The following ATP9B variants were observed in gnomAD, a reference collection of about 807,000 sequenced individuals.
The protein encoded by ATP9B is ATPase phospholipid transporting 9B.
Under a neutral mutation model 146.1 loss-of-function variants are expected in ATP9B, and 110 were observed. The ratio of observed to expected loss-of-function variants is 0.75; its 90% CI spans 0.65 to 0.88. The LOEUF (loss-of-function observed/expected upper bound fraction) is 0.88. Ranked by LOEUF, ATP9B falls within the 40% of genes least tolerant of loss-of-function variation. The pLI is 0.00. For synonymous variants in ATP9B, 604 were observed against 569.7 expected, an observed-to-expected ratio of 1.06 and a Z score of -0.86; for missense variants, 1,499 against 1,496.4, an observed-to-expected ratio of 1.00 and a Z score of -0.03.
At chr18:79,317,883 C>T (rs1048987661) in intron 15 of ATP9B, among the ~76,000 whole-genome samples, 1 of 152,128 alleles carries the variant, frequency 6.6e-6, no homozygotes, top group African/African-American at 2.4e-5. Flanking sequence ...CTGGTACTGC[C>T]AGGAAGTAAG....
intron 1 of ATP9B, among the ~76,000 whole-genome samples, chr18:79,082,209 G>T (rs1031510859): frequency 6.6e-6 from 1 of 152,022 alleles, no homozygotes; most frequent in Non-Finnish European, 1.5e-5. Context: ...ATTGATACTT[G>T]TGTATGCTTC....
chr18:79,196,054 T>A (rs781754013), intron 9 of ATP9B, among the ~76,000 whole-genome samples: 2 of 152,158 alleles, frequency 1.3e-5, no homozygotes, highest in Non-Finnish European at 2.9e-5. Context: ...AATCCTTTGA[T>A]CTCCCTGGGA....
chr18:79,177,519 A>T (rs964966270), intron 8 of ATP9B, among the ~76,000 whole-genome samples: 1 of 152,038 alleles, frequency 6.6e-6, no homozygotes, highest in African/African-American at 2.4e-5. Flanking sequence ...CTGGGATTAC[A>T]GGTTTGAGCC....
rs894401184 is a variant in ATP9B at position 79,239,113 on chromosome 18, G to A, written c.1108-14268G>A. Among the ~76,000 whole-genome samples the A allele has an allele frequency of 6.6e-6, 1 of 152,132 alleles. No homozygotes were observed. Among genetic ancestry groups the A allele is most frequent in the African/African-American group, 2.4e-5 (1 of 41,444 alleles). ...TCATCAAAACAACGGGGTCAACTGG[G>A]AAGGAAGGATGGCGTCTCAGGCAGA... On this transcript the variant is annotated intron_variant, in intron 11 of 29. Coordinates refer to ENST00000426216, the MANE Select transcript of ATP9B (RefSeq NM_198531.5). This position sits in a 1 kb window ranked among gnomAD's most constrained non-coding sequence, Gnocchi z 5.1.
intron 12 of ATP9B, among the ~76,000 whole-genome samples, chr18:79,264,787 G>A (rs964569020): frequency 1.3e-5 from 2 of 151,958 alleles, no homozygotes; most frequent in East Asian, 1.9e-4. Flanking sequence ...CTAGTGCCCC[G>A]TCTGCCATGT....
At chr18:79,184,370 G>T (rs958635898) in intron 8 of ATP9B, among the ~76,000 whole-genome samples, 2 of 151,946 alleles carry the variant, frequency 1.3e-5, no homozygotes, top group Non-Finnish European at 2.9e-5. Flanking sequence ...TTGTTTGTTT[G>T]TTTTTTTAAT....
chr18:79,225,063 C>T (rs1021476042), intron 11 of ATP9B, among the ~76,000 whole-genome samples: 3 of 152,104 alleles, frequency 2.0e-5, no homozygotes, highest in African/African-American at 7.3e-5. Flanking sequence ...GACACAGTGT[C>T]TGAATGATTT....
At chr18:79,277,761 A>C (rs1340365457) in intron 13 of ATP9B, among the ~76,000 whole-genome samples, 2 of 152,202 alleles carry the variant, frequency 1.3e-5, no homozygotes, top group Non-Finnish European at 2.9e-5. Flanking sequence ...AAACAATTGG[A>C]ATCTGGTACT....
chr18:79,122,047 T>C (rs2094198656), intron 4 of ATP9B, among the ~76,000 whole-genome samples: 1 of 152,196 alleles, frequency 6.6e-6, no homozygotes. Flanking sequence ...GAGTTTAACA[T>C]ATGTGTCTGA....
chr18:79,376,214 C>CACACACACACA, intron 29 of ATP9B: 6 of 884,902 alleles, frequency 6.8e-6, no homozygotes, highest in Admixed American at 7.9e-5. Context: ...CACACACACA[C>CACACACACACA]AAAACAAAAC....
intron 6 of ATP9B, among the ~76,000 whole-genome samples, chr18:79,153,440 A>G (rs956530080): frequency 6.6e-6 from 1 of 152,148 alleles, no homozygotes; most frequent in Non-Finnish European, 1.5e-5. Flanking sequence ...TTGTTCAGTC[A>G]TAGATTTATT....
chr18:79,268,495 A>T (rs1456764459), intron 12 of ATP9B, among the ~76,000 whole-genome samples: 5 of 152,148 alleles, frequency 3.3e-5, no homozygotes, highest in Non-Finnish European at 5.9e-5. Flanking sequence ...GAAGTTATGT[A>T]AGTGGTTTCT....
chr18:79,085,316 A>C (rs1469941248), intron 1 of ATP9B: 4 of 152,240 alleles, frequency 2.6e-5, no homozygotes, highest in African/African-American at 9.6e-5. Flanking sequence ...ATTGGGGATC[A>C]CATTTCAACA....
rs545733413 is a variant in ATP9B, at chr18:79,073,410, C to T, written c.119+3881C>T. 2.6e-5 allele frequency among the ~76,000 whole-genome samples: 4 copies of T among 152,310 alleles called. No individual in the cohort carries two copies. The East Asian group carries it at 5.8e-4, about 22-fold the overall frequency. On this transcript the variant is annotated intron_variant, in intron 1 of 29. Transcript: ENST00000426216. The stretch of plus-strand genomic sequence containing the variant: ...GGGAGGCCGAGGCGGGCAGACCACT[C>T]GAAGTCAGGAGCCGGAGACCAGCCT...
intron 12 of ATP9B, among the ~76,000 whole-genome samples, chr18:79,270,354 C>G (rs2096243232): frequency 6.6e-6 from 1 of 151,816 alleles, no homozygotes; most frequent in South Asian, 2.1e-4. Flanking sequence ...TATGTTTGTA[C>G]TGCTATACAG....
At chr18:79,221,039 C>A (rs2095671547) in intron 11 of ATP9B, among the ~76,000 whole-genome samples, 1 of 152,242 alleles carries the variant, frequency 6.6e-6, no homozygotes, top group African/African-American at 2.4e-5. Flanking sequence ...TCCACATAAT[C>A]CCTGCTACAT....
chr18:79,147,330 A>G (rs1051419714), intron 6 of ATP9B, among the ~76,000 whole-genome samples: 7 of 152,268 alleles, frequency 4.6e-5, no homozygotes, highest in Non-Finnish European at 1.0e-4. Flanking sequence ...GAAGATTTGC[A>G]TAGGCAGCAG....
At chr18:79,188,398 TCG>T (rs759253688) in intron 8 of ATP9B, among the ~76,000 whole-genome samples, 3 of 152,216 alleles carry the variant, frequency 2.0e-5, no homozygotes, top group Non-Finnish European at 1.5e-5. Flanking sequence ...AGCTCGGCCC[TCG>T]GTGCTCCCTG....
intron 4 of ATP9B, among the ~76,000 whole-genome samples, chr18:79,124,052 T>G (rs1361821841): frequency 6.6e-6 from 1 of 152,188 alleles, no homozygotes; most frequent in Admixed American, 6.5e-5. Flanking sequence ...CCCTCATTAG[T>G]TGCTGGCAGG....
Sources: allele counts gnomAD v4.1 joint callset (sites outside exome capture counted in the v4.1 genomes callset), GRCh38; gene constraint gnomAD v4.1.1; non-coding constraint Gnocchi (gnomAD v3.1); transcripts MANE v1.5; gene names NCBI Gene and HGNC (gene_info 2026-07-23, HGNC 2026-07-21).